The following CDC25C variants were observed in gnomAD, a reference collection of about 807,000 sequenced individuals.
CDC25C encodes cell division cycle 25C.
CDC25C carries 48 observed loss-of-function variants against 52.5 expected under a neutral mutation model. The ratio of observed to expected loss-of-function variants is 0.91; its 90% confidence interval spans 0.72 to 1.16. The LOEUF is 1.16. Among genes scored for constraint, CDC25C ranks in the 50% most tolerant of loss-of-function variants. CDC25C has a pLI of 0.00. For missense variants in CDC25C, 510 were observed against 566.1 expected, an observed-to-expected ratio of 0.90 and a Z score of 1.01; for synonymous variants, 187 against 206.5, an observed-to-expected ratio of 0.91 and a Z score of 0.81.
At chr5:138,320,559 C>T (rs1331268901) in intron 6 of CDC25C, among the ~76,000 whole-genome samples, 2 of 152,054 alleles carry the variant, frequency 1.3e-5, no homozygotes, top group African/African-American at 4.8e-5. Flanking sequence ...GTGGCTCACA[C>T]CTGTAACCCC....
chr5:138,325,908 A>G lies in CDC25C; in HGVS notation c.370-4T>C. ...GAGTGCTACAAAGAAGCTGTGCCTA[A>G]AAAAGAGAGTTTGCTGAGAACGTCC... On this transcript the variant is annotated splice_polypyrimidine_tract_variant and splice_region_variant and intron_variant, in intron 5 of 13. Transcript: ENST00000323760. The G allele has an allele frequency of 6.2e-7, 1 of 1,614,020 alleles. No individual in the cohort carries two copies.
chr5:138,329,593 A>G lies in CDC25C; in HGVS notation c.249T>C (p.Thr83=), dbSNP rs1760172324. 1 of 1,613,722 alleles carries G rather than the reference A, an allele frequency of 6.2e-7. No individual in the cohort carries two copies. The highest frequency in any genetic ancestry group is 8.5e-7 in the Non-Finnish European group (1 of 1,179,716). The part of the protein sequence containing the change: ...DLSNLSSGEI[T]ATQLTTSADL... The stretch of plus-strand genomic sequence containing the variant: ...CTGCAGAAGTGGTAAGCTGAGTGGC[A>G]GTTATCTCCCCACTGCTAAGATTCG... Residue 83 remains threonine, a synonymous_variant, in exon 3 of 14, where the codon ACT becomes ACC. Coordinates refer to ENST00000323760, the MANE Select transcript of CDC25C (RefSeq NM_001790.5).
Position 138,285,370 on chromosome 5 carries a change from C to A in CDC25C, c.*322G>T. On this transcript the variant is annotated 3_prime_UTR_variant, in exon 14 of 14. Coordinates refer to ENST00000323760, the MANE Select transcript of CDC25C (RefSeq NM_001790.5). ...AAGGTAGACAACGCTCTTGCATAGC[C>A]CGAAGCCCAGAGAGAAAGAGTTGGC... 3.6e-6 allele frequency: 1 copy of A among 274,136 alleles called. No homozygotes were observed. Among genetic ancestry groups the A allele is most frequent in the Non-Finnish European group, 6.9e-6 (1 of 145,624 alleles). 17.0% of individuals were successfully genotyped at this position (274,136 alleles called of 1,614,324 possible). A position where few individuals can be genotyped will look rare whatever the true frequency, so the allele number is the denominator to read the frequency against.
chr5:138,316,746 C>G (rs1758905833), intron 7 of CDC25C, among the ~76,000 whole-genome samples: 1 of 152,064 alleles, frequency 6.6e-6, no homozygotes, highest in Non-Finnish European at 1.5e-5. Flanking sequence ...GCTGGGAAAT[C>G]AACAGGGAGG....
Position 138,285,573 on chromosome 5 carries a change from T to G in CDC25C, c.*119A>C. The G allele has an allele frequency of 3.3e-6, 3 of 907,660 alleles. No individual in the cohort carries two copies. The highest frequency in any genetic ancestry group is 5.2e-6 in the Non-Finnish European group (3 of 581,982). The allele number at this position is 907,660 out of a possible 1,614,324, so 56.2% of individuals were successfully genotyped here. ...GGCCTGGATACAAGTTGGTAGCCTG[T>G]TGGTTTGCAGAGACATCTTTTAATA... is the stretch of plus-strand genomic sequence containing the variant. On this transcript the variant is annotated 3_prime_UTR_variant, in exon 14 of 14. Coordinates refer to ENST00000323760, the MANE Select transcript of CDC25C (RefSeq NM_001790.5).
At chr5:138,329,776 G>T in intron 2 of CDC25C, 129 bp from the exon 3 acceptor site, 1 of 509,836 alleles carries the variant, frequency 2.0e-6, no homozygotes. Flanking sequence ...TGTCCCCCCA[G>T]CTCAAGTGCA....
At chr5:138,298,226 C>T (rs534121005) in intron 7 of CDC25C, among the ~76,000 whole-genome samples, 34 of 150,812 alleles carry the variant, frequency 2.3e-4, no homozygotes, top group Middle Eastern at 3.4e-3. Flanking sequence ...GTTGTGAACT[C>T]CTGGGGCTCA....
At chr5:138,286,195 A>T in intron 12 of CDC25C, 62 bp from the exon 13 acceptor site, 1 of 1,262,696 alleles carries the variant, frequency 7.9e-7, no homozygotes, top group East Asian at 2.3e-5. Context: ...CCCAGGGGCC[A>T]TTCACTGGGG....
chr5:138,304,803 C>G (rs563941089), intron 7 of CDC25C, among the ~76,000 whole-genome samples: 30 of 152,168 alleles, frequency 2.0e-4, no homozygotes, highest in African/African-American at 5.1e-4. Flanking sequence ...CCAAACCACC[C>G]GTTGACTTCC....
At chr5:138,324,122 T>A (rs1027332529) in intron 6 of CDC25C, among the ~76,000 whole-genome samples, 2 of 151,034 alleles carry the variant, frequency 1.3e-5, no homozygotes, top group African/African-American at 4.9e-5. Context: ...ATACAAAAAA[T>A]TAGCTGGGCG....
At position 138,331,701 on chromosome 5, in the gene CDC25C, G is replaced by T; in HGVS notation, c.-145C>A. 1 of 990,380 alleles carries T rather than the reference G, an allele frequency of 1.0e-6. No individual in the cohort carries two copies. Among genetic ancestry groups the T allele is most frequent in the Non-Finnish European group, 1.2e-6 (1 of 832,652 alleles). 61.3% of individuals were successfully genotyped at this position (990,380 alleles called of 1,614,324 possible). A position where few individuals can be genotyped will look rare whatever the true frequency, so the allele number is the denominator to read the frequency against. On this transcript the variant is annotated 5_prime_UTR_variant, in exon 1 of 14. Coordinates refer to ENST00000323760, the MANE Select transcript of CDC25C (RefSeq NM_001790.5). ...TGAAAGGAAATCTAGGGGAAAGGAG[G>T]TAGTTAACTAGATTGCAGCTCTGCC...
Position 138,287,234 on chromosome 5 carries a change from G to C in CDC25C, c.961C>G (p.Leu321Val), listed in dbSNP as rs754843538. 1 of 1,613,974 alleles carries C rather than the reference G, an allele frequency of 6.2e-7. No individual in the cohort carries two copies. Among genetic ancestry groups the C allele is most frequent in the Non-Finnish European group, 8.5e-7 (1 of 1,179,950 alleles). The change falls in exon 11 of 14, where the codon CTG (leucine) becomes GTG (valine). Residue 321 changes from leucine to valine, a missense_variant. Transcript: ENST00000323760. ...TCAATGACATAAAACTTCTCAATCA[G>C]ACCCTGGAACTTCCCCGACAGTAAG... Reference protein sequence around the residue: ...AALLSGKFQGLIEKFYVIDCR... With the variant: ...AALLSGKFQGVIEKFYVIDCR...
intron 7 of CDC25C, among the ~76,000 whole-genome samples, chr5:138,314,752 G>A (rs1288847117): frequency 2.0e-5 from 3 of 149,328 alleles, no homozygotes; most frequent in South Asian, 4.3e-4. Context: ...GGGATTACAG[G>A]TGCCCGCCAC....
intron 4 of CDC25C, among the ~76,000 whole-genome samples, chr5:138,326,719 C>T (rs1017893501): frequency 6.6e-6 from 1 of 152,038 alleles, no homozygotes; most frequent in Non-Finnish European, 1.5e-5. Context: ...TTTGGGAGTT[C>T]GAGGCAGGCG....
At position 138,325,924 on chromosome 5, in the gene CDC25C, G is replaced by A. The variant is rs575304553; in HGVS notation, c.370-20C>T. The A allele has an allele frequency of 1.7e-5, 27 of 1,613,102 alleles. No individual in the cohort carries two copies. Among genetic ancestry groups the A allele is most frequent in the Non-Finnish European group, 2.3e-5 (27 of 1,179,148 alleles). On this transcript the variant is annotated intron_variant, in intron 5 of 13. Transcript: ENST00000323760. ...CTGTGCCTAAAAAAGAGAGTTTGCTGAGAACGTCCAGCATCCTCAAGCCAC... is the reference window on the plus strand; with the variant it reads ...CTGTGCCTAAAAAAGAGAGTTTGCTAAGAACGTCCAGCATCCTCAAGCCAC...
intron 6 of CDC25C, among the ~76,000 whole-genome samples, chr5:138,322,630 C>G (rs1266685077): frequency 6.6e-6 from 1 of 151,682 alleles, no homozygotes; most frequent in Non-Finnish European, 1.5e-5. Context: ...CACCCGCCAC[C>G]ATGCCCGGCT....
chr5:138,331,569 C>T (rs549295459), intron 1 of CDC25C, 26 bp downstream of exon 1: 1 of 1,041,792 alleles, frequency 9.6e-7, no homozygotes, highest in South Asian at 3.6e-5. Flanking sequence ...TCCGTGATTC[C>T]GTGGCGGAGA....
At chr5:138,310,360 T>C (rs1758352720) in intron 7 of CDC25C, among the ~76,000 whole-genome samples, 1 of 152,198 alleles carries the variant, frequency 6.6e-6, no homozygotes, top group African/African-American at 2.4e-5. Context: ...CTTTTAGTAA[T>C]TCCACAGTCT....
chr5:138,293,755 T>G (rs979863740), intron 7 of CDC25C, among the ~76,000 whole-genome samples: 4 of 151,080 alleles, frequency 2.6e-5, no homozygotes, highest in African/African-American at 9.7e-5. Flanking sequence ...CAAGCGATCC[T>G]CCCAACTCAG....
Sources: allele counts gnomAD v4.1 joint callset (sites outside exome capture counted in the v4.1 genomes callset), GRCh38; gene constraint gnomAD v4.1.1; transcripts MANE v1.5; gene names NCBI Gene and HGNC (gene_info 2026-07-23, HGNC 2026-07-21).